ROBO1: variants seen among roughly 807,000 people sequenced by gnomAD.
ROBO1 encodes roundabout guidance receptor 1.
In ROBO1, 149 loss-of-function variants were observed where a neutral mutation model predicts 195.9. The observed-to-expected ratio is 0.76, with a 90% confidence interval of 0.67 to 0.87. The LOEUF is 0.87. Among genes scored for constraint, ROBO1 ranks in the 40% least tolerant of loss-of-function variants. The pLI, the probability that ROBO1 is intolerant of heterozygous loss-of-function variation, is 0.00. For missense variants in ROBO1, 1,933 were observed against 2,068.3 expected, an observed-to-expected ratio of 0.93 and a Z score of 1.27; for synonymous variants, 816 against 733.2, an observed-to-expected ratio of 1.11 and a Z score of -1.82.
intron 2 of ROBO1, among the ~76,000 whole-genome samples, chr3:79,323,881 C>A (rs1342077480): frequency 6.6e-6 from 1 of 152,084 alleles, no homozygotes; most frequent in Admixed American, 6.6e-5. Flanking sequence ...GATGTATGCC[C>A]CCCGAGTAGT....
chr3:79,579,328 G>A (rs1032025225), intron 2 of ROBO1, among the ~76,000 whole-genome samples: 1 of 152,100 alleles, frequency 6.6e-6, no homozygotes, highest in Non-Finnish European at 1.5e-5. Context: ...ATTTGTGAAG[G>A]AAATATTTAT....
chr3:78,805,024 T>G (rs890361613), intron 4 of ROBO1, among the ~76,000 whole-genome samples: 2 of 152,122 alleles, frequency 1.3e-5, no homozygotes, highest in Admixed American at 1.3e-4. Context: ...TGTGCCTGTT[T>G]ATTAAATGCC....
In ROBO1 at chr3:78,897,643, G is replaced by A. The variant is rs558923894; in HGVS notation, c.499+40958C>T. ...CTATCAGCCCTTTTTATTTATTATA[G>A]TGCACTATAAATTTATTTAAAGCTA... On this transcript the variant is annotated intron_variant, in intron 4 of 30. Coordinates refer to ENST00000464233, the MANE Select transcript of ROBO1 (RefSeq NM_002941.4). Among the ~76,000 whole-genome samples, 7 of 124,544 alleles carry A rather than the reference G, an allele frequency of 5.6e-5. No individual in the cohort carries two copies. The East Asian group carries it at 1.5e-3, about 26-fold the overall frequency. 81.7% of individuals were successfully genotyped at this position (124,544 alleles called of 152,430 possible). A position where few individuals can be genotyped will look rare whatever the true frequency, so the allele number is the denominator to read the frequency against.
intron 2 of ROBO1, among the ~76,000 whole-genome samples, chr3:79,239,402 T>C (rs2108874850): frequency 6.6e-6 from 1 of 152,376 alleles, no homozygotes; most frequent in African/African-American, 2.4e-5. Flanking sequence ...GCTCTTGTAC[T>C]ATTTCTTCAC....
chr3:79,387,873 T>C (rs1282339998), intron 2 of ROBO1, among the ~76,000 whole-genome samples: 1 of 152,154 alleles, frequency 6.6e-6, no homozygotes, highest in African/African-American at 2.4e-5. Context: ...CGCTGCCAGA[T>C]CCGATTCAAT....
At chr3:79,119,010 C>G (rs556153301) in intron 3 of ROBO1, among the ~76,000 whole-genome samples, 2 of 152,094 alleles carry the variant, frequency 1.3e-5, no homozygotes, top group South Asian at 4.1e-4. Context: ...ACTATAAAAA[C>G]TCAAAATGTT....
chr3:79,676,115 G>A (rs531364173), intron 1 of ROBO1, among the ~76,000 whole-genome samples: 1 of 152,102 alleles, frequency 6.6e-6, no homozygotes, highest in South Asian at 2.1e-4. Context: ...TGTGACTGGG[G>A]AGGAAAAGAT....
chr3:78,980,268 G>A (rs1217992296), intron 3 of ROBO1, among the ~76,000 whole-genome samples: 1 of 152,076 alleles, frequency 6.6e-6, no homozygotes, highest in African/African-American at 2.4e-5. Context: ...TGGACAGATG[G>A]TAAGGATTAC....
intron 1 of ROBO1, among the ~76,000 whole-genome samples, chr3:79,734,488 T>C (rs1320912371): frequency 6.6e-5 from 10 of 152,230 alleles, no homozygotes; most frequent in African/African-American, 2.4e-4. Flanking sequence ...AAAACTGTTT[T>C]GCAAAAAATT....
chr3:79,062,154 G>GA (rs1368005186), intron 3 of ROBO1, among the ~76,000 whole-genome samples: 12 of 150,570 alleles, frequency 8.0e-5, no homozygotes, highest in Admixed American at 3.3e-4. Context: ...AAATTAACGA[G>GA]AAAAAAAACA....
intron 2 of ROBO1, among the ~76,000 whole-genome samples, chr3:79,400,747 T>A (rs1212413609): frequency 1.3e-5 from 2 of 151,996 alleles, no homozygotes; most frequent in Non-Finnish European, 2.9e-5. Context: ...TTGTTCTTTT[T>A]AAAAATCAGT....
chr3:79,364,461 C>T (rs1202001720), intron 2 of ROBO1, among the ~76,000 whole-genome samples: 3 of 151,430 alleles, frequency 2.0e-5, no homozygotes, highest in African/African-American at 7.3e-5. Context: ...CAGCTAATTA[C>T]CCTCCCTTCA....
intron 3 of ROBO1, among the ~76,000 whole-genome samples, chr3:79,065,181 A>C (rs2078984080): frequency 5.9e-5 from 9 of 152,048 alleles, no homozygotes; most frequent in Admixed American, 5.9e-4. Flanking sequence ...ATAACACAAA[A>C]GTGAATAATC....
At chr3:79,721,503 T>C (rs1250734946) in intron 1 of ROBO1, among the ~76,000 whole-genome samples, 1 of 152,154 alleles carries the variant, frequency 6.6e-6, no homozygotes, top group Non-Finnish European at 1.5e-5. Context: ...ACGGACACAT[T>C]ATTGTCACCA....
In ROBO1 at chr3:79,202,087, C is replaced by A. The variant is rs17016815; in HGVS notation, c.89-76548G>T. Among the ~76,000 whole-genome samples, 4 of 151,852 alleles carry A rather than the reference C, an allele frequency of 2.6e-5. No individual in the cohort carries two copies. The East Asian group carries it at 7.7e-4, about 29-fold the overall frequency. ...CCATCCATGATCCTTCAAGTCTGGG[C>A]GGCAGCCCTCCTAAATTCGTAGAAT... On this transcript the variant is annotated intron_variant, in intron 2 of 30. Coordinates refer to ENST00000464233, the MANE Select transcript of ROBO1 (RefSeq NM_002941.4).
intron 3 of ROBO1, among the ~76,000 whole-genome samples, chr3:79,097,490 A>G (rs1006626916): frequency 3.3e-5 from 5 of 151,828 alleles, no homozygotes; most frequent in African/African-American, 1.2e-4. Flanking sequence ...CTGATTTGAA[A>G]TGATTGTGTG....
At chr3:78,903,123 C>A (rs1271005159) in intron 4 of ROBO1, among the ~76,000 whole-genome samples, 1 of 152,000 alleles carries the variant, frequency 6.6e-6, no homozygotes, top group Non-Finnish European at 1.5e-5. Context: ...TGATTCTCTT[C>A]AAATATTTAC....
At chr3:78,895,546 T>C (rs2037175202) in intron 4 of ROBO1, among the ~76,000 whole-genome samples, 1 of 152,182 alleles carries the variant, frequency 6.6e-6, no homozygotes, top group East Asian at 1.9e-4. Flanking sequence ...TTAAAATCAC[T>C]CCATTGCACT....
At chr3:79,229,295 G>A (rs2082280900) in intron 2 of ROBO1, among the ~76,000 whole-genome samples, 1 of 151,922 alleles carries the variant, frequency 6.6e-6, no homozygotes, top group Non-Finnish European at 1.5e-5. Context: ...TAAATAAACT[G>A]AACTAACTGA....
Sources: gnomAD v4.1 joint callset for allele counts (sites outside exome capture counted in the v4.1 genomes callset) on GRCh38, gnomAD v4.1.1 for gene constraint, MANE v1.5 for transcripts, NCBI Gene and HGNC (gene_info 2026-07-23, HGNC 2026-07-21) for gene names.